Variants in RPH3A observed in about 807,000 individuals in gnomAD.
RPH3A encodes the protein rabphilin 3A.
Under a neutral mutation model 102.2 loss-of-function variants are expected in RPH3A, and 48 were observed. The observed-to-expected ratio is 0.47, with a 90% CI of 0.37 to 0.60. The LOEUF (loss-of-function observed/expected upper bound fraction) is 0.60, where lower values mean the gene tolerates loss of function less well. RPH3A is among the 20% of genes least tolerant of loss of function. The probability of loss-of-function intolerance (pLI) is 0.00; values close to 1 mark genes in which losing one functional copy is unlikely to be tolerated. For missense variants in RPH3A, 781 were observed against 910.1 expected, an observed-to-expected ratio of 0.86 and a Z score of 1.83; for synonymous variants, 310 against 324.3, an observed-to-expected ratio of 0.96 and a Z score of 0.47.
At chr12:112,846,218 C>T (rs1425234486) in intron 4 of RPH3A, among the ~76,000 whole-genome samples, 2 of 152,194 alleles carry the variant, frequency 1.3e-5, no homozygotes, top group African/African-American at 2.4e-5. Context: ...TTAGTATCTT[C>T]GCAATGTTGT....
chr12:112,706,476 C>A (rs2040427630), intron 1 of RPH3A, among the ~76,000 whole-genome samples: 1 of 152,198 alleles, frequency 6.6e-6, no homozygotes, highest in Non-Finnish European at 1.5e-5. Flanking sequence ...TTGCTGGGAT[C>A]ACTTTCCAAA....
intron 1 of RPH3A, among the ~76,000 whole-genome samples, chr12:112,644,804 C>T (rs1484368150): frequency 1.3e-5 from 2 of 152,204 alleles, no homozygotes; most frequent in African/African-American, 2.4e-5. Context: ...GGAAGAAACT[C>T]GCTTTCCAGT....
At chr12:112,803,916 G>A (rs2041404456) in intron 2 of RPH3A, among the ~76,000 whole-genome samples, 1 of 152,140 alleles carries the variant, frequency 6.6e-6, no homozygotes, top group Admixed American at 6.5e-5. Flanking sequence ...CTGTAAGATG[G>A]GAATAATAAT....
intron 1 of RPH3A, among the ~76,000 whole-genome samples, chr12:112,629,396 T>C (rs1482839611): frequency 2.2e-4 from 1 of 4,580 alleles, no homozygotes; most frequent in East Asian, 0.019. Context: ...GATGTTTGCT[T>C]TTTTTTTTTT....
At chr12:112,709,375 C>A (rs1277459436) in intron 1 of RPH3A, among the ~76,000 whole-genome samples, 1 of 151,920 alleles carries the variant, frequency 6.6e-6, no homozygotes, top group East Asian at 1.9e-4. Context: ...CAAAGTGAGA[C>A]CCTGTCTCTA....
intron 1 of RPH3A, among the ~76,000 whole-genome samples, chr12:112,769,245 G>A (rs1026836679): frequency 6.6e-6 from 1 of 152,162 alleles, no homozygotes; most frequent in Non-Finnish European, 1.5e-5. Flanking sequence ...ACGCCTCTTT[G>A]AGGCTTCTTT....
intron 1 of RPH3A, among the ~76,000 whole-genome samples, chr12:112,603,858 G>A (rs1485747011): frequency 6.6e-6 from 1 of 152,124 alleles, no homozygotes; most frequent in Non-Finnish European, 1.5e-5. Context: ...CAAAGGGAAA[G>A]GGATGTAATA....
intron 1 of RPH3A, among the ~76,000 whole-genome samples, chr12:112,718,511 G>A (rs1310852775): frequency 1.3e-5 from 2 of 152,132 alleles, no homozygotes; most frequent in African/African-American, 4.8e-5. Context: ...GTGATGAGGA[G>A]TGTTTCATTA....
intron 1 of RPH3A, among the ~76,000 whole-genome samples, chr12:112,708,555 G>T (rs1349519440): frequency 6.6e-6 from 1 of 152,182 alleles, no homozygotes; most frequent in African/African-American, 2.4e-5. Flanking sequence ...AGCTGGTGGG[G>T]AGCAAAGCAG....
intron 1 of RPH3A, among the ~76,000 whole-genome samples, chr12:112,764,322 A>C (rs1188386620): frequency 2.0e-5 from 3 of 152,220 alleles, no homozygotes; most frequent in African/African-American, 7.2e-5. Context: ...GTTTTAGTGG[A>C]AAGACAGGTT....
chr12:112,589,349 C>T (rs1195750166), intron 1 of RPH3A, among the ~76,000 whole-genome samples: 4 of 152,182 alleles, frequency 2.6e-5, no homozygotes, highest in Non-Finnish European at 4.4e-5. Context: ...CTCCCCATCC[C>T]TAGTATCTGT....
At chr12:112,594,590 A>AGG (rs2039503388) in intron 1 of RPH3A, among the ~76,000 whole-genome samples, 1 of 152,184 alleles carries the variant, frequency 6.6e-6, no homozygotes, top group Non-Finnish European at 1.5e-5. Flanking sequence ...ATTCCATGCT[A>AGG]GGACCTGTGC....
At chr12:112,890,813 C>T (rs1013358191) in intron 18 of RPH3A, 36 bp from the exon 19 acceptor site, 1 of 1,604,494 alleles carries the variant, frequency 6.2e-7, no homozygotes, top group South Asian at 1.1e-5. Context: ...GGCCCCCTCC[C>T]CTCCAAGGCC....
At chr12:112,885,392 G>A (rs962052865) in intron 16 of RPH3A, among the ~76,000 whole-genome samples, 8 of 152,198 alleles carry the variant, frequency 5.3e-5, no homozygotes, top group Non-Finnish European at 2.9e-5. Flanking sequence ...CATTCTGGTA[G>A]GTGTGCACTG....
At chr12:112,747,872 C>T (rs138552330) in intron 1 of RPH3A, among the ~76,000 whole-genome samples, 29 of 152,286 alleles carry the variant, frequency 1.9e-4, no homozygotes, top group African/African-American at 5.1e-4. Context: ...GACCCATTAG[C>T]GTGGACTGAC....
At chr12:112,840,712 G>A (rs2042126944) in intron 4 of RPH3A, among the ~76,000 whole-genome samples, 1 of 152,146 alleles carries the variant, frequency 6.6e-6, no homozygotes, top group Non-Finnish European at 1.5e-5. Flanking sequence ...CCCAGTAAAG[G>A]CGTGTAGGTT....
intron 1 of RPH3A, among the ~76,000 whole-genome samples, chr12:112,697,680 C>T (rs889205763): frequency 2.0e-5 from 3 of 152,108 alleles, no homozygotes; most frequent in Admixed American, 1.3e-4. Flanking sequence ...GCCTGGCCAA[C>T]ATGGTGAAAT....
chr12:112,893,505 G>A (rs2043132789), intron 19 of RPH3A: 1 of 152,246 alleles, frequency 6.6e-6, no homozygotes, highest in South Asian at 2.1e-4. Context: ...GAAATATTTT[G>A]TTTTGTTTGG....
chr12:112,694,007 C>T (rs1427509288), intron 1 of RPH3A, among the ~76,000 whole-genome samples: 1 of 152,158 alleles, frequency 6.6e-6, no homozygotes, highest in Non-Finnish European at 1.5e-5. Context: ...ATCTAATTCG[C>T]TCTGCACACT....
Sources: allele counts gnomAD v4.1 joint callset (sites outside exome capture counted in the v4.1 genomes callset), GRCh38; gene constraint gnomAD v4.1.1; transcripts MANE v1.5; gene names NCBI Gene and HGNC (gene_info 2026-07-23, HGNC 2026-07-21).